The following RIC1 variants were observed in gnomAD, a reference collection of about 807,000 sequenced individuals.
The protein encoded by RIC1 is RIC1 partner of RAB6A GEF complex.
In RIC1, 88 loss-of-function variants were observed where a neutral mutation model predicts 169.0. The ratio of observed to expected loss-of-function variants is 0.52; its 90% CI spans 0.44 to 0.62. The LOEUF is 0.62. Ranked by LOEUF, RIC1 falls within the 20% of genes least tolerant of loss-of-function variation. The probability of loss-of-function intolerance (pLI) is 0.00; values close to 1 mark genes in which losing one functional copy is unlikely to be tolerated. For missense variants in RIC1, 1,877 were observed against 1,725.5 expected, an observed-to-expected ratio of 1.09 and a Z score of -1.56; for synonymous variants, 790 against 601.5, an observed-to-expected ratio of 1.31 and a Z score of -4.59.
chr9:5,714,113 C>T (rs1433993876), intron 4 of RIC1, 110 bp downstream of exon 4: 1 of 621,616 alleles, frequency 1.6e-6, no homozygotes, highest in African/African-American at 1.8e-5. Flanking sequence ...TTCAAGATAA[C>T]TTCTTAGTTC....
At position 5,774,236 on chromosome 9, in the gene RIC1, C is replaced by A; in HGVS notation, c.4262C>A (p.Ser1421Tyr). The change falls in exon 26 of 26, where the codon TCT becomes TAT. Residue 1421 changes from serine (S) to tyrosine (Y), a missense_variant. Physicochemically the swap from Ser to Tyr is moderately radical, Grantham distance 144. Transcript: ENST00000414202. ...TTTCAGGATGGGACTTACGACTGTT[C>A]TGTGTCCTAACAGTGAGGTTCCATC... ...EPFQDGTYDC[S>Y]VS The A allele has an allele frequency of 6.2e-7, 1 of 1,607,110 alleles. No individual in the cohort carries two copies. Among genetic ancestry groups the A allele is most frequent in the Non-Finnish European group, 8.5e-7 (1 of 1,176,380 alleles).
chr9:5,669,606 G>A (rs1563884096), intron 2 of RIC1, among the ~76,000 whole-genome samples: 1 of 152,138 alleles, frequency 6.6e-6, no homozygotes, highest in Non-Finnish European at 1.5e-5. Context: ...GGTAAAATTG[G>A]TGTTAAAGAA....
intron 3 of RIC1, among the ~76,000 whole-genome samples, chr9:5,707,941 T>C (rs754536625): frequency 6.6e-6 from 1 of 152,166 alleles, no homozygotes; most frequent in Non-Finnish European, 1.5e-5. Context: ...CTGTATCTTT[T>C]TTGTCCTGGG....
At chr9:5,760,772 C>CTT (rs1407541711) in intron 17 of RIC1, among the ~76,000 whole-genome samples, 2 of 152,104 alleles carry the variant, frequency 1.3e-5, no homozygotes, top group African/African-American at 4.8e-5. Context: ...AATCTGAAAG[C>CTT]AGTAAGCAAG....
At chr9:5,699,103 C>T (rs1270139129) in intron 3 of RIC1, among the ~76,000 whole-genome samples, 2 of 152,192 alleles carry the variant, frequency 1.3e-5, no homozygotes, top group Non-Finnish European at 2.9e-5. Flanking sequence ...AAGATAGCTT[C>T]TTTAATATAG....
At chr9:5,688,199 T>A (rs1821367346) in intron 2 of RIC1, among the ~76,000 whole-genome samples, 1 of 152,192 alleles carries the variant, frequency 6.6e-6, no homozygotes, top group African/African-American at 2.4e-5. Context: ...TTGGTTGATT[T>A]TTCATTATGT....
At chr9:5,702,674 G>A (rs910717079) in intron 3 of RIC1, among the ~76,000 whole-genome samples, 3 of 152,166 alleles carry the variant, frequency 2.0e-5, no homozygotes, top group East Asian at 1.9e-4. Flanking sequence ...GAGTAGCTGG[G>A]ACTACAGGCA....
At chr9:5,719,113 G>A (rs1489261934) in intron 4 of RIC1, 1 of 151,896 alleles carries the variant, frequency 6.6e-6, no homozygotes, top group East Asian at 1.9e-4. Context: ...TTGATACTTT[G>A]AACACTCTTT....
At chr9:5,720,924 A>G (rs1361794474) in intron 6 of RIC1, among the ~76,000 whole-genome samples, 174 bp downstream of exon 6, 1 of 152,222 alleles carries the variant, frequency 6.6e-6, no homozygotes, top group Non-Finnish European at 1.5e-5. Context: ...GACATGTTAA[A>G]GAAAAATAAT....
At chr9:5,677,039 A>G (rs771899304) in intron 2 of RIC1, among the ~76,000 whole-genome samples, 10 of 152,234 alleles carry the variant, frequency 6.6e-5, no homozygotes, top group Non-Finnish European at 1.3e-4. Context: ...TTGGGTAAAT[A>G]TCCATGAGTG....
Position 5,728,093 on chromosome 9 carries a change from C to T in RIC1, c.721-4295C>T, listed in dbSNP as rs555030048. Among the ~76,000 whole-genome samples the T allele has an allele frequency of 6.9e-4, 105 of 152,372 alleles. No homozygotes were observed. In the South Asian group the frequency reaches 0.015, roughly 22 times the overall value. ...AGCTGTTAGACAGGGACATTTACGTCTGCAGAACTGTCTGCTGCCTTTTGT... is the reference window on the plus strand; with the variant it reads ...AGCTGTTAGACAGGGACATTTACGTTTGCAGAACTGTCTGCTGCCTTTTGT... On this transcript the variant is annotated intron_variant, in intron 6 of 25. Transcript: ENST00000414202.
chr9:5,735,931 T>A (rs143035392), intron 7 of RIC1, among the ~76,000 whole-genome samples: 2 of 152,248 alleles, frequency 1.3e-5, no homozygotes, highest in African/African-American at 4.8e-5. Flanking sequence ...ATATCTCTCT[T>A]ATAGAGATTT....
chr9:5,654,907 A>G (rs1325913537), intron 1 of RIC1, among the ~76,000 whole-genome samples: 1 of 152,124 alleles, frequency 6.6e-6, no homozygotes, highest in East Asian at 1.9e-4. Flanking sequence ...TATATAGAAA[A>G]TTTATTGACT....
At chr9:5,730,337 C>G (rs1824288542) in intron 6 of RIC1, among the ~76,000 whole-genome samples, 1 of 152,052 alleles carries the variant, frequency 6.6e-6, no homozygotes, top group African/African-American at 2.4e-5. Context: ...CTAAGGGAGG[C>G]CAGCAATCCA....
rs146938833 is a variant in RIC1, at chr9:5,770,178, C to G, written c.3516C>G (p.Ser1172Arg). ...TCTCCAACATCCAGCGAAGTCAGAG[C>G]TGGCTCAGCAACATTGGCCCCACCC... Reference protein sequence around the residue: ...AGISNIQRSQSWLSNIGPTHH... With the variant: ...AGISNIQRSQRWLSNIGPTHH... The change falls in exon 23 of 26, where the codon AGC becomes AGG. Residue 1172 changes from serine to arginine, a missense_variant. By Grantham distance (110) the Ser-to-Arg change is moderately radical (BLOSUM62 -1). Around this residue, in one of 3 missense-constraint regions of RIC1, gnomAD observed 681 missense variants for 582.0 expected, o/e 1.17. Transcript: ENST00000414202. 13 of 1,614,010 alleles carry G rather than the reference C, an allele frequency of 8.1e-6. No homozygotes were observed. The African/African-American group carries it at 1.6e-4, about 20-fold the overall frequency.
intron 4 of RIC1, among the ~76,000 whole-genome samples, chr9:5,718,191 G>GAAAATA (rs1362443021): frequency 6.7e-6 from 1 of 148,998 alleles, no homozygotes; most frequent in Admixed American, 6.7e-5. Context: ...TATATAGGTG[G>GAAAATA]AAAATAAAGT....
chr9:5,681,917 CTTCT>C (rs931495208), intron 2 of RIC1, among the ~76,000 whole-genome samples: 1 of 152,092 alleles, frequency 6.6e-6, no homozygotes, highest in African/African-American at 2.4e-5. Flanking sequence ...ATGTAATGGC[CTTCT>C]TTGTCTCTTT....
At chr9:5,694,635 A>G (rs973208498) in intron 3 of RIC1, among the ~76,000 whole-genome samples, 3 of 152,194 alleles carry the variant, frequency 2.0e-5, no homozygotes, top group African/African-American at 7.2e-5. Flanking sequence ...AGTTCTGGAT[A>G]GTGAAAACTC....
chr9:5,684,259 G>T, intron 2 of RIC1, among the ~76,000 whole-genome samples: 2 of 95,724 alleles, frequency 2.1e-5, no homozygotes, highest in African/African-American at 8.0e-5. Flanking sequence ...GTTCCTATTT[G>T]GCCATCTTGG....
Sources: allele counts gnomAD v4.1 joint callset (sites outside exome capture counted in the v4.1 genomes callset), GRCh38; gene constraint gnomAD v4.1.1; regional missense constraint gnomAD v4.1.1; transcripts MANE v1.5; gene names NCBI Gene and HGNC (gene_info 2026-07-23, HGNC 2026-07-21).